Variants in KCNQ1 observed in about 807,000 individuals in gnomAD.
KCNQ1 encodes potassium voltage-gated channel subfamily KQT member 1.
A neutral mutation model predicts 72.4 loss-of-function variants in KCNQ1; 49 were observed. The observed-to-expected ratio is 0.68, with a 90% confidence interval of 0.54 to 0.86. KCNQ1 has a LOEUF of 0.86. Ranked by LOEUF, KCNQ1 falls within the 40% of genes least tolerant of loss-of-function variation. The pLI is 0.00. For missense variants in KCNQ1, 790 were observed against 945.1 expected (o/e 0.84, Z 2.15); for synonymous variants, 450 against 412.6 (o/e 1.09, Z -1.10).
rs1370542955 is a variant in KCNQ1 at position 2,458,426 on chromosome 11, G to A, written c.386+12942G>A. On this transcript the variant is annotated intron_variant, in intron 1 of 15. Coordinates refer to ENST00000155840, the MANE Select transcript of KCNQ1 (RefSeq NM_000218.3). This position sits in a 1 kb window ranked among gnomAD's most constrained non-coding sequence, Gnocchi z 4.6. ...TGATTAACCTGTGAACTGTAACTCGGGGAAACCCAGTAGCTGATGGGGTTG... is the reference window on the plus strand; with the variant it reads ...TGATTAACCTGTGAACTGTAACTCGAGGAAACCCAGTAGCTGATGGGGTTG... Among the ~76,000 whole-genome samples, 5 of 152,320 alleles carry A rather than the reference G, an allele frequency of 3.3e-5. No individual in the cohort carries two copies. Among genetic ancestry groups the A allele is most frequent in the African/African-American group, 7.2e-5 (3 of 41,558 alleles).
chr11:2,664,380 C>G lies in KCNQ1; in HGVS notation c.1514+2299C>G. On this transcript the variant is annotated intron_variant, in intron 11 of 15. Coordinates refer to ENST00000155840, the MANE Select transcript of KCNQ1 (RefSeq NM_000218.3). This position sits in a 1 kb window ranked among gnomAD's most constrained non-coding sequence, Gnocchi z 5.1. Reference sequence around the variant, plus strand: ...ATCCTCAGAAGTCAGGGTACGGTCCCTCCAGAGAGGCCTGAAGGGGAGAGT... The same window carrying G: ...ATCCTCAGAAGTCAGGGTACGGTCCGTCCAGAGAGGCCTGAAGGGGAGAGT... 1 of 398,834 alleles carries G rather than the reference C, an allele frequency of 2.5e-6. No individual in the cohort carries two copies. Among genetic ancestry groups the G allele is most frequent in the Non-Finnish European group, 4.4e-6 (1 of 226,218 alleles). The allele number at this position is 398,834 out of a possible 1,614,324, so 24.7% of individuals were successfully genotyped here. A position where few individuals can be genotyped will look rare whatever the true frequency, so the allele number is the denominator to read the frequency against.
At chr11:2,756,186 G>A (rs1846295325) in intron 11 of KCNQ1, among the ~76,000 whole-genome samples, 1 of 152,150 alleles carries the variant, frequency 6.6e-6, no homozygotes, top group African/African-American at 2.4e-5. Context: ...ACACCAAAAG[G>A]GAACTCTGGT....
chr11:2,582,673 A>G (rs1341084536), intron 6 of KCNQ1, among the ~76,000 whole-genome samples: 1 of 152,176 alleles, frequency 6.6e-6, no homozygotes, highest in Non-Finnish European at 1.5e-5. Context: ...CCACAGGGTG[A>G]GCTGTGCCTG....
chr11:2,535,400 C>T (rs1457685147), intron 2 of KCNQ1, among the ~76,000 whole-genome samples: 3 of 152,226 alleles, frequency 2.0e-5, no homozygotes, highest in African/African-American at 7.2e-5. Context: ...GCAAGAGTTC[C>T]AAGAACAAAG....
At chr11:2,584,541 G>C (rs1564824955) in intron 7 of KCNQ1, among the ~76,000 whole-genome samples, 2 of 123,376 alleles carry the variant, frequency 1.6e-5, no homozygotes, top group African/African-American at 6.3e-5. Context: ...GTGTTAGTAT[G>C]TGTTTGTGTT....
Position 2,445,181 on chromosome 11 carries a change from C to T in KCNQ1, c.83C>T (p.Ala28Val), listed in dbSNP as rs767089696. 8.8e-6 allele frequency: 10 copies of T among 1,140,936 alleles called. No homozygotes were observed. Among genetic ancestry groups the T allele is most frequent in the South Asian group, 2.9e-5 (1 of 33,902 alleles). 70.7% of individuals were successfully genotyped at this position (1,140,936 alleles called of 1,614,324 possible). A position where few individuals can be genotyped will look rare whatever the true frequency, so the allele number is the denominator to read the frequency against. Residue 28 changes from alanine (A) to valine (V), a missense_variant, in exon 1 of 16, where the codon GCG becomes GTG. This residue lies in a region of KCNQ1 where 294 missense variants were observed against 323.3 expected (regional missense o/e 0.91). Transcript: ENST00000155840. ...GRLPGARRGS[A>V]GLAKKCPFSL... is the part of the protein sequence containing the mutation. ...CTGCCAGGCGCCCGGCGGGGCAGCG[C>T]GGGCCTGGCCAAGAAGTGCCCCTTC... is the stretch of plus-strand genomic sequence containing the variant.
chr11:2,605,124 C>CT (rs1356534618), intron 10 of KCNQ1, among the ~76,000 whole-genome samples: 8 of 152,202 alleles, frequency 5.3e-5, no homozygotes, highest in African/African-American at 1.7e-4. Context: ...TTCATCCATT[C>CT]TTTAAGTTGG....
chr11:2,549,938 G>A lies in KCNQ1; in HGVS notation c.478-20690G>A, dbSNP rs536896668. Among the ~76,000 whole-genome samples, 33 of 152,260 alleles carry A rather than the reference G, an allele frequency of 2.2e-4. 1 individual carries two copies. The South Asian group carries it at 5.6e-3, about 26-fold the overall frequency. On this transcript the variant is annotated intron_variant, in intron 2 of 15. Transcript: ENST00000155840. This position sits in a 1 kb window ranked among gnomAD's most constrained non-coding sequence, Gnocchi z 6.2. ...CCGCCCCCGCCACCCAGCGCGAGCC[G>A]CGTAGAGGAGCAGGAAGGGAGCCAG...
intron 10 of KCNQ1, chr11:2,630,560 A>G (rs1475561957): frequency 2.5e-6 from 1 of 398,232 alleles, no homozygotes. Flanking sequence ...TATGAAAACA[A>G]TAGTAATTTT....
intron 11 of KCNQ1, chr11:2,672,110 C>G (rs1045607749): frequency 5.0e-6 from 2 of 398,644 alleles, no homozygotes; most frequent in Non-Finnish European, 8.8e-6. Context: ...CACAGGGGAC[C>G]TTTCTTCTCC....
Position 2,783,743 on chromosome 11 carries a change from T to C in KCNQ1, c.1794+5706T>C, listed in dbSNP as rs1408404580. Among the ~76,000 whole-genome samples the C allele has an allele frequency of 6.6e-6, 1 of 152,116 alleles. No homozygotes were observed. Among genetic ancestry groups the C allele is most frequent in the Non-Finnish European group, 1.5e-5 (1 of 67,920 alleles). ...GTGGTTTTGATTTGCATTTCCCTAA[T>C]GACTAATGATGTTGAGCCACTTTTC... On this transcript the variant is annotated intron_variant, in intron 15 of 15. Transcript: ENST00000155840. The surrounding 1 kb of genome is among the most constrained non-coding windows in gnomAD (Gnocchi z 5.2).
chr11:2,658,066 G>T lies in KCNQ1; in HGVS notation c.1394-3895G>T, dbSNP rs1242554125. The T allele has an allele frequency of 2.5e-6, 1 of 398,404 alleles. No homozygotes were observed. Among genetic ancestry groups the T allele is most frequent in the South Asian group, 1.3e-4 (1 of 7,850 alleles). The allele number at this position is 398,404 out of a possible 1,614,324, so 24.7% of individuals were successfully genotyped here. ...TCACTAAGTATAGCCCACACTCAAGGTGGGGAAGGGAGGGGTTCAACTCTA... is the reference window on the plus strand; with the variant it reads ...TCACTAAGTATAGCCCACACTCAAGTTGGGGAAGGGAGGGGTTCAACTCTA... On this transcript the variant is annotated intron_variant, in intron 10 of 15. Transcript: ENST00000155840. The surrounding 1 kb of genome is among the most constrained non-coding windows in gnomAD (Gnocchi z 4.9).
chr11:2,585,680 G>T (rs1848582842), intron 8 of KCNQ1, among the ~76,000 whole-genome samples: 1 of 152,216 alleles, frequency 6.6e-6, no homozygotes, highest in South Asian at 2.1e-4. Flanking sequence ...TTGTCCCCAA[G>T]GGAGGTAGGA....
chr11:2,579,823 A>T lies in KCNQ1; in HGVS notation c.922-3612A>T, dbSNP rs1277801595. ...GCACCCAGCTCAGCCCCAGGAGGTG[A>T]CACCCCCACCCTCAGCAGCTCTCGT... On this transcript the variant is annotated intron_variant, in intron 6 of 15. Transcript: ENST00000155840. The surrounding 1 kb of genome is among the most constrained non-coding windows in gnomAD (Gnocchi z 6.0). Among the ~76,000 whole-genome samples the T allele has an allele frequency of 6.6e-6, 1 of 151,656 alleles. No homozygotes were observed. Among genetic ancestry groups the T allele is most frequent in the African/African-American group, 2.4e-5 (1 of 41,224 alleles).
In KCNQ1 at chr11:2,766,101, G is replaced by A. The variant is rs757547738; in HGVS notation, c.1515-2743G>A. Reference sequence around the variant, plus strand: ...TTCCATTATGGTCCTTACTTTTCTGGAACTTCCTTTTTATGTATCTATAAA... The same window carrying A: ...TTCCATTATGGTCCTTACTTTTCTGAAACTTCCTTTTTATGTATCTATAAA... On this transcript the variant is annotated intron_variant, in intron 11 of 15. Transcript: ENST00000155840. This position sits in a 1 kb window ranked among gnomAD's most constrained non-coding sequence, Gnocchi z 4.4. Among the ~76,000 whole-genome samples the A allele has an allele frequency of 2.0e-5, 3 of 151,974 alleles. No homozygotes were observed. Among genetic ancestry groups the A allele is most frequent in the Non-Finnish European group, 2.9e-5 (2 of 67,988 alleles).
intron 1 of KCNQ1, among the ~76,000 whole-genome samples, chr11:2,466,440 C>A (rs1458593649): frequency 6.6e-6 from 1 of 152,154 alleles, no homozygotes; most frequent in Admixed American, 6.5e-5. Flanking sequence ...CCCTCCTGGG[C>A]CTGGGGCTGT....
At chr11:2,571,537 C>G in intron 4 of KCNQ1, 134 bp downstream of exon 4, 2 of 755,244 alleles carry the variant, frequency 2.6e-6, no homozygotes, top group Non-Finnish European at 4.6e-6. Context: ...CCCGGGGGCA[C>G]TGAGCCATGT....
chr11:2,714,537 G>C (rs750341264), intron 11 of KCNQ1, among the ~76,000 whole-genome samples: 1 of 152,214 alleles, frequency 6.6e-6, no homozygotes, highest in Non-Finnish European at 1.5e-5. Flanking sequence ...AGGTGCTCTA[G>C]ATAGATGGAG....
At chr11:2,594,584 T>C (rs897104716) in intron 10 of KCNQ1, among the ~76,000 whole-genome samples, 3 of 152,204 alleles carry the variant, frequency 2.0e-5, no homozygotes, top group African/African-American at 7.2e-5. Flanking sequence ...TCATAGATTT[T>C]CTATCTCTGT....
Sources: allele counts gnomAD v4.1 joint callset (sites outside exome capture counted in the v4.1 genomes callset), GRCh38; gene constraint gnomAD v4.1.1; regional missense constraint gnomAD v4.1.1; non-coding constraint Gnocchi (gnomAD v3.1); transcripts MANE v1.5; gene names NCBI Gene and HGNC (gene_info 2026-07-23, HGNC 2026-07-21).